The following CD53 variants were observed in gnomAD, a reference collection of about 807,000 sequenced individuals.
CD53 encodes leukocyte surface antigen CD53.
CD53 carries 20 observed loss-of-function variants against 27.3 expected under a neutral mutation model. The observed-to-expected ratio is 0.73, with a 90% CI of 0.52 to 1.07. The LOEUF is 1.07. Among genes scored for constraint, CD53 ranks in the 50% least tolerant of loss-of-function variants. CD53 has a pLI of 0.00. For synonymous variants in CD53, 106 were observed against 105.3 expected (o/e 1.01, Z -0.04); for missense variants, 216 against 264.0 (o/e 0.82, Z 1.26).
intron 7 of CD53, 103 bp from the exon 8 acceptor site, chr1:110,899,021 C>T: frequency 1.3e-6 from 1 of 791,344 alleles, no homozygotes; most frequent in South Asian, 1.6e-5. Context: ...AGGGTGGTTT[C>T]AGTGTAATGG....
intron 1 of CD53, among the ~76,000 whole-genome samples, chr1:110,876,090 T>C (rs1208941745): frequency 2.6e-5 from 4 of 152,236 alleles, no homozygotes; most frequent in Non-Finnish European, 4.4e-5. Context: ...AATTAGAATA[T>C]TGGTACTTCA....
intron 1 of CD53, among the ~76,000 whole-genome samples, chr1:110,886,555 A>T (rs893526772): frequency 2.0e-5 from 3 of 152,036 alleles, no homozygotes; most frequent in Non-Finnish European, 4.4e-5. Context: ...CATTTAAAAC[A>T]TTTTATTTTC....
At chr1:110,896,277 G>T (rs779810509) in intron 5 of CD53, among the ~76,000 whole-genome samples, 2 of 152,188 alleles carry the variant, frequency 1.3e-5, no homozygotes, top group Non-Finnish European at 2.9e-5. Flanking sequence ...TGCCATAGCT[G>T]TCACTTCCTG....
At chr1:110,879,366 C>T (rs912097302) in intron 1 of CD53, among the ~76,000 whole-genome samples, 1 of 152,184 alleles carries the variant, frequency 6.6e-6, no homozygotes, top group East Asian at 1.9e-4. Flanking sequence ...TGATAAGTAG[C>T]ACTAACAGAA....
In CD53 at chr1:110,899,496, A is replaced by C. The variant is rs563679271; in HGVS notation, c.*301A>C. 1.8e-5 allele frequency: 5 copies of C among 272,710 alleles called. No individual in the cohort carries two copies. In the South Asian group the frequency reaches 2.3e-4, roughly 13 times the overall value. The allele number at this position is 272,710 out of a possible 1,614,324, so 16.9% of individuals were successfully genotyped here. ...AACTGGATTTAATGGCCCAACATCA[A>C]AGGGTGAACCCAGGATATGAATTTT... On this transcript the variant is annotated 3_prime_UTR_variant, in exon 8 of 8. Transcript: ENST00000271324.
chr1:110,874,451 A>G (rs1656054389), intron 1 of CD53, among the ~76,000 whole-genome samples: 1 of 152,200 alleles, frequency 6.6e-6, no homozygotes, highest in Non-Finnish European at 1.5e-5. Context: ...ACTCTTAAGG[A>G]ACTCCCATGG....
chr1:110,896,503 C>T, intron 5 of CD53, 150 bp from the exon 6 acceptor site: 1 of 671,620 alleles, frequency 1.5e-6, no homozygotes, highest in Non-Finnish European at 2.6e-6. Context: ...TTAGAAAGCA[C>T]TTTGTTTTAA....
intron 1 of CD53, among the ~76,000 whole-genome samples, chr1:110,875,029 C>G (rs1557812151): frequency 6.6e-6 from 1 of 152,172 alleles, no homozygotes; most frequent in Non-Finnish European, 1.5e-5. Context: ...GTGCTCTTTT[C>G]TATAATAGAT....
rs141271944 is a variant in CD53 at position 110,896,460 on chromosome 1, A to G, written c.424-193A>G. On this transcript the variant is annotated intron_variant, in intron 5 of 7. Transcript: ENST00000271324. ...TTAAGCACAGGGGTCTCTACTCCACAGGGATCTTATGTGAATGAAATGGTA... is the reference window on the plus strand; with the variant it reads ...TTAAGCACAGGGGTCTCTACTCCACGGGGATCTTATGTGAATGAAATGGTA... 9.2e-5 allele frequency among the ~76,000 whole-genome samples: 14 copies of G among 152,322 alleles called. No homozygotes were observed. The East Asian group carries it at 2.7e-3, about 29-fold the overall frequency.
intron 1 of CD53, among the ~76,000 whole-genome samples, chr1:110,876,252 A>G (rs1223644633): frequency 6.6e-6 from 1 of 152,182 alleles, no homozygotes; most frequent in Non-Finnish European, 1.5e-5. Flanking sequence ...GTTATTCAGA[A>G]TGTCTTCTGA....
Position 110,899,228 on chromosome 1 carries a change from T to A in CD53, c.*33T>A, listed in dbSNP as rs1570916101. 6.6e-7 allele frequency: 1 copy of A among 1,513,536 alleles called. No individual in the cohort carries two copies. Among genetic ancestry groups the A allele is most frequent in the East Asian group, 2.2e-5 (1 of 44,474 alleles). The allele number at this position is 1,513,536 out of a possible 1,614,324, so 93.8% of individuals were successfully genotyped here. The stretch of plus-strand genomic sequence containing the variant: ...TAGTCCTGTGGTGAAGAGACTTGTT[T>A]CATCTCCGGAAATGCAAAACCATTT... On this transcript the variant is annotated 3_prime_UTR_variant, in exon 8 of 8. Transcript: ENST00000271324.
chr1:110,892,562 C>G, intron 3 of CD53, 29 bp downstream of exon 3: 1 of 1,569,804 alleles, frequency 6.4e-7, no homozygotes, highest in South Asian at 1.1e-5. Flanking sequence ...TGTGGTGCCC[C>G]AAGTCGGGGA....
intron 3 of CD53, 95 bp downstream of exon 3, chr1:110,892,628 A>G (rs749614559): frequency 2.7e-5 from 27 of 1,017,978 alleles, no homozygotes; most frequent in Non-Finnish European, 3.7e-5. Context: ...ATAGGCACAG[A>G]AAGATCATAG....
At chr1:110,895,814 A>G (rs1239606772) in intron 5 of CD53, among the ~76,000 whole-genome samples, 1 of 152,224 alleles carries the variant, frequency 6.6e-6, no homozygotes, top group Non-Finnish European at 1.5e-5. Context: ...AACATTTTCC[A>G]GTGTCATCTC....
chr1:110,876,968 A>G (rs1260930321), intron 1 of CD53, among the ~76,000 whole-genome samples: 2 of 152,192 alleles, frequency 1.3e-5, no homozygotes, highest in African/African-American at 2.4e-5. Context: ...ATTTCTACAA[A>G]CAAATGCATT....
chr1:110,885,441 G>C (rs1656540793), intron 1 of CD53, among the ~76,000 whole-genome samples: 1 of 152,340 alleles, frequency 6.6e-6, no homozygotes, highest in South Asian at 2.1e-4. Context: ...GGGAGGCTGA[G>C]GCAGGAGAAT....
At chr1:110,893,548 C>T (rs907478611) in intron 3 of CD53, among the ~76,000 whole-genome samples, 6 of 152,206 alleles carry the variant, frequency 3.9e-5, no homozygotes, top group African/African-American at 1.4e-4. Context: ...TCTCTAACTC[C>T]CGACTTTAGG....
intron 1 of CD53, among the ~76,000 whole-genome samples, chr1:110,886,472 C>G (rs1239890604): frequency 6.6e-6 from 1 of 151,998 alleles, no homozygotes; most frequent in African/African-American, 2.4e-5. Context: ...CTCTTCTCTC[C>G]TCAATTTTAG....
At position 110,894,966 on chromosome 1, in the gene CD53, G is replaced by T; in HGVS notation, c.334G>T (p.Glu112Ter). The change falls in exon 5 of 8, where the codon GAG becomes TAG. Residue 112 changes from glutamate (E) to a stop codon, truncating the protein, a stop_gained. Transcript: ENST00000271324. LOFTEE classifies it high-confidence loss of function. ...CTGGAATGTGCCTGCCCAGCTGAAT[G>T]AGTATGTGGCTAAGGGTCTGACCGA... is the stretch of plus-strand genomic sequence containing the variant. ...LLFVYEQKLN[E>*]YVAKGLTDSI... 6.2e-7 allele frequency: 1 copy of T among 1,613,590 alleles called. No homozygotes were observed. The highest frequency in any genetic ancestry group is 1.1e-5 in the South Asian group (1 of 91,050).
Sources: allele counts gnomAD v4.1 joint callset (sites outside exome capture counted in the v4.1 genomes callset), GRCh38; gene constraint gnomAD v4.1.1; transcripts MANE v1.5; gene names NCBI Gene and HGNC (gene_info 2026-07-23, HGNC 2026-07-21).